The following MYO1B variants were observed in gnomAD, a reference collection of about 807,000 sequenced individuals.
The protein encoded by MYO1B is unconventional myosin-Ib.
MYO1B carries 72 observed loss-of-function variants against 159.7 expected under a neutral mutation model. The observed-to-expected ratio is 0.45, with a 90% confidence interval of 0.37 to 0.55. The LOEUF (loss-of-function observed/expected upper bound fraction) is 0.55. MYO1B is among the 20% of genes least tolerant of loss of function. The probability of loss-of-function intolerance (pLI) is 0.00; values close to 1 mark genes in which losing one functional copy is unlikely to be tolerated. For synonymous variants in MYO1B, 468 were observed against 473.8 expected, an observed-to-expected ratio of 0.99 and a Z score of 0.16; for missense variants, 1,062 against 1,364.8, an observed-to-expected ratio of 0.78 and a Z score of 3.50.
chr2:191,261,923 T>C (rs1686836020), intron 1 of MYO1B, among the ~76,000 whole-genome samples: 1 of 152,174 alleles, frequency 6.6e-6, no homozygotes, highest in Admixed American at 6.5e-5. Flanking sequence ...TTTAGGTATG[T>C]ATCATTTTTT....
chr2:191,404,774 T>A (rs917485698), intron 24 of MYO1B, among the ~76,000 whole-genome samples: 2 of 152,240 alleles, frequency 1.3e-5, no homozygotes, highest in African/African-American at 4.8e-5. Flanking sequence ...GTACATACTT[T>A]ACAAATACTT....
intron 8 of MYO1B, 95 bp downstream of exon 8, chr2:191,360,824 C>G (rs577955741): frequency 6.0e-6 from 5 of 827,586 alleles, no homozygotes; most frequent in Non-Finnish European, 9.6e-6. Flanking sequence ...CCAGGCCGGT[C>G]TCTAATTCCT....
intron 15 of MYO1B, 28 bp from the exon 16 acceptor site, chr2:191,385,856 G>A (rs753315840): frequency 6.2e-7 from 1 of 1,610,050 alleles, no homozygotes; most frequent in Non-Finnish European, 8.5e-7. Context: ...GAGGAAGGAA[G>A]GAAACTTTTT....
chr2:191,388,518 G>C (rs1317915865), intron 17 of MYO1B, among the ~76,000 whole-genome samples: 1 of 152,122 alleles, frequency 6.6e-6, no homozygotes, highest in Non-Finnish European at 1.5e-5. Context: ...GAGGAAACTA[G>C]AGTGAAGAAT....
Position 191,408,102 on chromosome 2 carries a change from C to T in MYO1B, c.2557-13C>T. 6.3e-7 allele frequency: 1 copy of T among 1,596,948 alleles called. No individual in the cohort carries two copies. Among genetic ancestry groups the T allele is most frequent in the South Asian group, 1.1e-5 (1 of 90,600 alleles). The stretch of plus-strand genomic sequence containing the variant: ...ACACATTAACCACTGTAACCTACAT[C>T]TTCTTTTTAAAGGTACGTAGAGAAT... On this transcript the variant is annotated splice_polypyrimidine_tract_variant and intron_variant, in intron 24 of 30. Coordinates refer to ENST00000392318, the MANE Select transcript of MYO1B (RefSeq NM_001130158.3).
At chr2:191,317,822 AC>A (rs1458842892) in intron 3 of MYO1B, among the ~76,000 whole-genome samples, 1 of 152,212 alleles carries the variant, frequency 6.6e-6, no homozygotes, top group African/African-American at 2.4e-5. Context: ...TTTTAAACCC[AC>A]AGAGCTCTTT....
rs769509467 is a variant in MYO1B at position 191,396,511 on chromosome 2, A to G, written c.2295+14A>G. 1 of 1,613,454 alleles carries G rather than the reference A, an allele frequency of 6.2e-7. No individual in the cohort carries two copies. The highest frequency in any genetic ancestry group is 8.5e-7 in the Non-Finnish European group (1 of 1,179,422). ...CGGGGTTGGAAGGTGAGTTTAAAAGAAGTATGCTTTATTTATTTTGGGTTT... is the reference window on the plus strand; with the variant it reads ...CGGGGTTGGAAGGTGAGTTTAAAAGGAGTATGCTTTATTTATTTTGGGTTT... On this transcript the variant is annotated intron_variant, in intron 21 of 30. Coordinates refer to ENST00000392318, the MANE Select transcript of MYO1B (RefSeq NM_001130158.3).
intron 27 of MYO1B, among the ~76,000 whole-genome samples, chr2:191,413,499 A>T (rs1383652998): frequency 2.0e-5 from 3 of 152,194 alleles, no homozygotes; most frequent in Non-Finnish European, 2.9e-5. Context: ...TTACATGTTA[A>T]TATTAAGTGT....
chr2:191,321,125 G>C (rs1392585954), intron 3 of MYO1B, among the ~76,000 whole-genome samples: 1 of 152,114 alleles, frequency 6.6e-6, no homozygotes, highest in African/African-American at 2.4e-5. Flanking sequence ...ATCAGAATGT[G>C]TTTCTAAGTT....
At chr2:191,333,928 G>T (rs1691655196) in intron 4 of MYO1B, among the ~76,000 whole-genome samples, 1 of 152,126 alleles carries the variant, frequency 6.6e-6, no homozygotes, top group African/African-American at 2.4e-5. Context: ...CTTGCTGAAG[G>T]CATCTGTACT....
intron 4 of MYO1B, among the ~76,000 whole-genome samples, chr2:191,341,148 A>C (rs906658785): frequency 6.6e-6 from 1 of 152,106 alleles, no homozygotes; most frequent in Non-Finnish European, 1.5e-5. Flanking sequence ...ATCAGTATAT[A>C]ATATAATAAT....
chr2:191,364,525 GTA>G (rs1383717850), intron 11 of MYO1B, among the ~76,000 whole-genome samples: 3 of 34,164 alleles, frequency 8.8e-5, no homozygotes, highest in African/African-American at 4.8e-4. Flanking sequence ...AGCCCGTGGT[GTA>G]TGATCAGTGA....
rs150526016 is a variant in MYO1B, at chr2:191,357,370, C to T, written c.563-3261C>T. ...AGGCTCCGTGTCGATAGTCGGGTGGCGGCAGCGCAGTGGGGCGGGGGGCAA... is the reference window on the plus strand; with the variant it reads ...AGGCTCCGTGTCGATAGTCGGGTGGTGGCAGCGCAGTGGGGCGGGGGGCAA... On this transcript the variant is annotated intron_variant, in intron 7 of 30. Transcript: ENST00000392318. 1.9e-3 allele frequency among the ~76,000 whole-genome samples: 290 copies of T among 152,198 alleles called. 2 individuals are homozygous for T. Among genetic ancestry groups the T allele is most frequent in the Non-Finnish European group, 2.1e-3 (144 of 67,994 alleles).
Position 191,276,605 on chromosome 2 carries a change from G to A in MYO1B, c.-9-282G>A, listed in dbSNP as rs62179633. Among the ~76,000 whole-genome samples, 1,078 of 152,230 alleles carry A rather than the reference G, an allele frequency of 7.1e-3. 9 individuals are homozygous for A. The highest frequency in any genetic ancestry group is 1.0e-2 in the Non-Finnish European group (677 of 68,000). ...CTGGAGTTTTGCGACTCTCTGCTGA[G>A]GAGAAGACCATGGCTTTCTAGTGGC... On this transcript the variant is annotated intron_variant, in intron 1 of 30. Transcript: ENST00000392318.
chr2:191,291,564 AT>A (rs1157303614), intron 2 of MYO1B, among the ~76,000 whole-genome samples: 2 of 151,794 alleles, frequency 1.3e-5, no homozygotes, highest in Non-Finnish European at 2.9e-5. Flanking sequence ...GGAGCTTTCC[AT>A]TGTCATATTA....
At chr2:191,382,772 G>C (rs905830300) in intron 14 of MYO1B, among the ~76,000 whole-genome samples, 4 of 152,102 alleles carry the variant, frequency 2.6e-5, no homozygotes, top group Non-Finnish European at 5.9e-5. Context: ...AAAATACTTT[G>C]TGGTAGCGCT....
At chr2:191,286,980 G>C (rs1030870819) in intron 2 of MYO1B, among the ~76,000 whole-genome samples, 1 of 152,132 alleles carries the variant, frequency 6.6e-6, no homozygotes, top group Non-Finnish European at 1.5e-5. Context: ...TTTTTAAGAC[G>C]CTGGTGTGGT....
At chr2:191,385,552 G>A (rs1289242476) in intron 15 of MYO1B, among the ~76,000 whole-genome samples, 1 of 152,018 alleles carries the variant, frequency 6.6e-6, no homozygotes, top group Non-Finnish European at 1.5e-5. Flanking sequence ...GAATCTTTGA[G>A]GTCCAACTTG....
At chr2:191,401,858 T>C (rs1696635658) in intron 23 of MYO1B, 2 of 152,232 alleles carry the variant, frequency 1.3e-5, no homozygotes, top group South Asian at 4.1e-4. Context: ...GATTTCTCCA[T>C]CCAGTGAGTT....
Sources: gnomAD v4.1 joint callset for allele counts (sites outside exome capture counted in the v4.1 genomes callset) on GRCh38, gnomAD v4.1.1 for gene constraint, MANE v1.5 for transcripts, NCBI Gene and HGNC (gene_info 2026-07-23, HGNC 2026-07-21) for gene names.